Variants in NUP205 observed in about 807,000 individuals in gnomAD.
The protein encoded by NUP205 is nuclear pore complex protein Nup205.
Under a neutral mutation model 253.8 loss-of-function variants are expected in NUP205, and 76 were observed. The ratio of observed to expected loss-of-function variants is 0.30; its 90% confidence interval spans 0.25 to 0.36. The LOEUF (loss-of-function observed/expected upper bound fraction) is 0.36, where lower values mean the gene tolerates loss of function less well. NUP205 is among the 10% of genes least tolerant of loss of function. The pLI, the probability that NUP205 is intolerant of heterozygous loss-of-function variation, is 1.00. For missense variants in NUP205, 2,162 were observed against 2,425.5 expected (o/e 0.89, Z 2.28); for synonymous variants, 832 against 850.1 (o/e 0.98, Z 0.37).
Position 135,619,891 on chromosome 7 carries a change from A to T in NUP205, c.4330+3A>T, listed in dbSNP as rs1473862326. 1 of 1,566,612 alleles carries T rather than the reference A, an allele frequency of 6.4e-7. No homozygotes were observed. ...TGAACCAGACACCTTAGAAGCAGGTAGAATGAGATCAATTCCTAATCTTTT... is the reference window on the plus strand; with the variant it reads ...TGAACCAGACACCTTAGAAGCAGGTTGAATGAGATCAATTCCTAATCTTTT... On this transcript the variant is annotated splice_donor_region_variant and intron_variant, in intron 30 of 42. Transcript: ENST00000285968.
intron 21 of NUP205, 30 bp downstream of exon 21, chr7:135,606,945 T>A: frequency 6.3e-7 from 1 of 1,595,222 alleles, no homozygotes; most frequent in Non-Finnish European, 8.6e-7. Flanking sequence ...GGCATTTCTT[T>A]CCTTCCATAT....
chr7:135,604,405 T>C lies in NUP205; in HGVS notation c.2768T>C (p.Ile923Thr), dbSNP rs1412990353. The change falls in exon 19 of 43, where the codon ATC becomes ACC. Residue 923 changes from isoleucine to threonine, a missense_variant. Coordinates refer to ENST00000285968, the MANE Select transcript of NUP205 (RefSeq NM_015135.3). ...AFESAKILCC[I>T]SCNSNIQIKL... The stretch of plus-strand genomic sequence containing the variant: ...GAAAGTGCCAAGATCCTCTGTTGTA[T>C]CTCTTGCAACTCTAATATTCAGATA... 2.5e-6 allele frequency: 4 copies of C among 1,612,726 alleles called. No homozygotes were observed. The highest frequency in any genetic ancestry group is 3.4e-6 in the Non-Finnish European group (4 of 1,179,018).
chr7:135,560,079 C>G (rs1431777973), intron 1 of NUP205, among the ~76,000 whole-genome samples: 1 of 152,042 alleles, frequency 6.6e-6, no homozygotes, highest in African/African-American at 2.4e-5. Flanking sequence ...AGGCTGGTCT[C>G]GAGCTCCTGA....
intron 3 of NUP205, 124 bp from the exon 4 acceptor site, chr7:135,576,146 C>T (rs1249392090): frequency 4.3e-6 from 3 of 700,482 alleles, no homozygotes; most frequent in Non-Finnish European, 4.8e-6. Flanking sequence ...GTAGAGGACC[C>T]CAGGGCCCCT....
intron 18 of NUP205, 34 bp downstream of exon 18, chr7:135,603,028 A>T: frequency 6.7e-7 from 1 of 1,494,744 alleles, no homozygotes; most frequent in Non-Finnish European, 9.2e-7. Context: ...AAATGAAGTA[A>T]ACAGATAGAC....
chr7:135,579,347 A>T (rs1470176227), intron 7 of NUP205, among the ~76,000 whole-genome samples: 1 of 151,842 alleles, frequency 6.6e-6, no homozygotes, highest in Non-Finnish European at 1.5e-5. Flanking sequence ...GGCATGCGCC[A>T]CCACACCTGG....
intron 8 of NUP205, 77 bp from the exon 9 acceptor site, chr7:135,587,498 G>C (rs1806499916): frequency 1.2e-5 from 9 of 767,192 alleles, no homozygotes; most frequent in Non-Finnish European, 1.8e-5. Flanking sequence ...GTCACTTTAA[G>C]ACAGTTGCCT....
rs1367769595 is a variant in NUP205, at chr7:135,590,757, T to G, written c.1474-693T>G. Among the ~76,000 whole-genome samples the G allele has an allele frequency of 2.2e-4, 33 of 151,696 alleles. 1 individual carries two copies. Among genetic ancestry groups the G allele is most frequent in the Non-Finnish European group, 2.9e-5 (2 of 67,920 alleles). On this transcript the variant is annotated intron_variant, in intron 10 of 42. Transcript: ENST00000285968. ...CATGTTGGCCAGGATAGTCTTGATC[T>G]CTTGACCTCGTGATCTGCCCGCCTT... is the stretch of plus-strand genomic sequence containing the variant.
chr7:135,617,162 AT>A lies in NUP205; in HGVS notation c.3612del (p.Phe1204LeufsTer34). ...SQEIPEPLQLDFFDRAQIEQV... is the reference protein window; with the variant it reads ...SQEIPEPLQLXFFDRAQIEQV... Reference sequence around the variant, plus strand: ...GAGATCCCTGAGCCTTTGCAGTTGGATTTTTTTGATCGGGCCCAGATTGAAC... The same window carrying A: ...GAGATCCCTGAGCCTTTGCAGTTGGATTTTTTGATCGGGCCCAGATTGAAC... On this transcript the variant is annotated frameshift_variant, in exon 26 of 43. Transcript: ENST00000285968. LOFTEE classifies it high-confidence loss of function. 1 of 1,613,798 alleles carries A rather than the reference AT, an allele frequency of 6.2e-7. No individual in the cohort carries two copies. The highest frequency in any genetic ancestry group is 8.5e-7 in the Non-Finnish European group (1 of 1,179,800).
intron 1 of NUP205, among the ~76,000 whole-genome samples, chr7:135,559,662 C>T (rs1032741803): frequency 1.3e-4 from 20 of 150,972 alleles, no homozygotes; most frequent in African/African-American, 4.9e-4. Flanking sequence ...TGAGCCAGTA[C>T]GCAAGGTATA....
At chr7:135,576,889 G>A (rs1479322498) in intron 4 of NUP205, 80 bp from the exon 5 acceptor site, 8 of 1,369,204 alleles carry the variant, frequency 5.8e-6, no homozygotes, top group African/African-American at 2.9e-5. Flanking sequence ...CTCAAAAAAA[G>A]AGCGTTTGCT....
chr7:135,596,400 A>G (rs1317472945), intron 13 of NUP205, among the ~76,000 whole-genome samples: 1 of 152,208 alleles, frequency 6.6e-6, no homozygotes. Flanking sequence ...GAGCGTACCA[A>G]TACTTGCTAG....
chr7:135,610,999 T>TTC (rs1381079157), intron 22 of NUP205, among the ~76,000 whole-genome samples: 12 of 147,828 alleles, frequency 8.1e-5, no homozygotes, highest in Admixed American at 4.0e-4. Flanking sequence ...TGTCCTTCTC[T>TTC]TCTTTTTTTT....
intron 1 of NUP205, among the ~76,000 whole-genome samples, chr7:135,558,807 T>A (rs180857693): frequency 1.3e-5 from 2 of 152,362 alleles, no homozygotes; most frequent in East Asian, 3.9e-4. Flanking sequence ...TCGATTGAGA[T>A]GCTCTGAAGT....
In NUP205 at chr7:135,607,260, C is replaced by G; in HGVS notation, c.3084C>G (p.Cys1028Trp). 6.2e-7 allele frequency: 1 copy of G among 1,613,896 alleles called. No homozygotes were observed. Among genetic ancestry groups the G allele is most frequent in the South Asian group, 1.1e-5 (1 of 91,042 alleles). Reference sequence around the variant, plus strand: ...GGTTTCATGCAGGAGTGTTAGGTTGCCCTCGGACATGCCTTCACGCCATTC... The same window carrying G: ...GGTTTCATGCAGGAGTGTTAGGTTGGCCTCGGACATGCCTTCACGCCATTC... ...TNLQDPGVLG[C>W]PRTCLHAILN... The change falls in exon 22 of 43, where the codon TGC becomes TGG. Residue 1028 changes from cysteine to tryptophan, a missense_variant. By Grantham distance (215) the Cys-to-Trp change is radical. Transcript: ENST00000285968.
chr7:135,580,344 C>T (rs1458867959), intron 7 of NUP205, among the ~76,000 whole-genome samples: 2 of 152,178 alleles, frequency 1.3e-5, no homozygotes, highest in African/African-American at 4.8e-5. Flanking sequence ...TAGACTTTTA[C>T]ATTCCCGTAC....
At chr7:135,588,093 A>G (rs1806523010) in intron 10 of NUP205, 101 bp downstream of exon 10, 1 of 972,318 alleles carries the variant, frequency 1.0e-6, no homozygotes, top group Non-Finnish European at 1.5e-6. Flanking sequence ...GTTAACACAA[A>G]TGATCACTAG....
At chr7:135,645,063 T>C (rs375574726) in intron 40 of NUP205, 45 bp downstream of exon 40, 20 of 1,607,010 alleles carry the variant, frequency 1.2e-5, no homozygotes, top group Non-Finnish European at 1.5e-5. Flanking sequence ...CCTTGAAATA[T>C]AGGAACTGTT....
At chr7:135,629,194 A>G (rs921843216) in intron 34 of NUP205, among the ~76,000 whole-genome samples, 5 of 152,242 alleles carry the variant, frequency 3.3e-5, no homozygotes, top group African/African-American at 1.2e-4. Flanking sequence ...GTTTTGGCAT[A>G]TAGTCTGCCT....
Sources: gnomAD v4.1 joint callset for allele counts (sites outside exome capture counted in the v4.1 genomes callset) on GRCh38, gnomAD v4.1.1 for gene constraint, MANE v1.5 for transcripts, NCBI Gene and HGNC (gene_info 2026-07-23, HGNC 2026-07-21) for gene names.